The following OR5H2 variants were observed in gnomAD, a reference collection of about 807,000 sequenced individuals.
OR5H2 encodes olfactory receptor family 5 subfamily H member 2.
For synonymous variants in OR5H2, 132 were observed against 126.8 expected, an observed-to-expected ratio of 1.04 and a Z score of -0.27; for missense variants, 391 against 364.4, an observed-to-expected ratio of 1.07 and a Z score of -0.59.
Position 98,283,179 on chromosome 3 carries a change from T to A in OR5H2, c.277T>A (p.Ser93Thr), listed in dbSNP as rs747425931. 1.2e-5 allele frequency: 19 copies of A among 1,613,930 alleles called. No homozygotes were observed. In the Admixed American group the frequency reaches 2.8e-4, roughly 24 times the overall value. Residue 93 changes from serine to threonine, a missense_variant, in exon 1 of 1, where the codon TCT becomes ACT. Physicochemically the swap from Ser to Thr is moderately conservative, Grantham distance 58 (BLOSUM62 1). Coordinates refer to ENST00000355273, the MANE Select transcript of OR5H2 (RefSeq NM_001005482.2). Reference protein sequence around the residue: ...VNFLAKNRMISLSECMIQFFS... With the variant: ...VNFLAKNRMITLSECMIQFFS... ...TTTCTTGGCCAAAAACAGGATGATA[T>A]CTCTGTCTGAATGCATGATTCAATT...
Position 98,282,783 on chromosome 3 carries a change from G to C in OR5H2, c.-120G>C. 1.6e-5 allele frequency: 13 copies of C among 797,620 alleles called. No individual in the cohort carries two copies. The South Asian group carries it at 2.0e-4, about 12-fold the overall frequency. The allele number at this position is 797,620 out of a possible 1,614,324, so 49.4% of individuals were successfully genotyped here. On this transcript the variant is annotated 5_prime_UTR_variant, in exon 1 of 1. Coordinates refer to ENST00000355273, the MANE Select transcript of OR5H2 (RefSeq NM_001005482.2). The stretch of plus-strand genomic sequence containing the variant: ...CAGGAATATGAAAGAAAATTAAAAG[G>C]GTATTGTAATAAGAGTATGTTTTTC...
chr3:98,282,909 C>G lies in OR5H2; in HGVS notation c.7C>G (p.Gln3Glu), dbSNP rs1311375756. The change falls in exon 1 of 1, where the codon CAG becomes GAG. Residue 3 changes from glutamine to glutamate, a missense_variant. By Grantham distance (29) the Gln-to-Glu change is conservative. Coordinates refer to ENST00000355273, the MANE Select transcript of OR5H2 (RefSeq NM_001005482.2). ...AGGGATGTCGAATGAGGACATGGAA[C>G]AGGATAATACAACATTGCTGACAGA... ME[Q>E]DNTTLLTEFV... 13 of 1,613,604 alleles carry G rather than the reference C, an allele frequency of 8.1e-6. No homozygotes were observed. The highest frequency in any genetic ancestry group is 1.1e-5 in the Non-Finnish European group (13 of 1,179,730).
Position 98,282,823 on chromosome 3 carries a change from C to T in OR5H2, c.-80C>T, listed in dbSNP as rs145812570. 5.5e-5 allele frequency: 69 copies of T among 1,245,354 alleles called. 1 individual carries two copies. In the East Asian group the frequency reaches 1.4e-3, roughly 25 times the overall value. 77.1% of individuals were successfully genotyped at this position (1,245,354 alleles called of 1,614,324 possible). ...GTATGTTTTTCTATCAACTTCCCTC[C>T]CCCAGTATTTGCTGTATAAGTCTTA... On this transcript the variant is annotated 5_prime_UTR_variant, in exon 1 of 1. Transcript: ENST00000355273.
Position 98,283,642 on chromosome 3 carries a change from C to T in OR5H2, c.740C>T (p.Ser247Phe). ...TCCACCTGTGGAGCCCATCTCTTAT[C>T]TGTCTCTTTATATTATGGCCCACTT... Reference protein sequence around the residue: ...AFSTCGAHLLSVSLYYGPLIF... With the variant: ...AFSTCGAHLLFVSLYYGPLIF... Residue 247 changes from serine (S) to phenylalanine (F), a missense_variant, in exon 1 of 1, where the codon TCT (serine) becomes TTT (phenylalanine). Transcript: ENST00000355273. 1 of 1,613,528 alleles carries T rather than the reference C, an allele frequency of 6.2e-7. No homozygotes were observed. Among genetic ancestry groups the T allele is most frequent in the Admixed American group, 1.7e-5 (1 of 59,864 alleles).
Position 98,283,143 on chromosome 3 carries a change from A to T in OR5H2, c.241A>T (p.Met81Leu). Residue 81 changes from methionine to leucine, a missense_variant, in exon 1 of 1, where the codon ATG (methionine) becomes TTG (leucine). Met to Leu is a conservative substitution (Grantham distance 15, BLOSUM62 2). Coordinates refer to ENST00000355273, the MANE Select transcript of OR5H2 (RefSeq NM_001005482.2). ...AWISSTVTPKMLVNFLAKNRM... is the reference protein window; with the variant it reads ...AWISSTVTPKLLVNFLAKNRM... ...GATATCTTCCACAGTAACTCCCAAAATGTTGGTTAATTTCTTGGCCAAAAA... is the reference window on the plus strand; with the variant it reads ...GATATCTTCCACAGTAACTCCCAAATTGTTGGTTAATTTCTTGGCCAAAAA... The T allele has an allele frequency of 6.2e-7, 1 of 1,614,022 alleles. No homozygotes were observed. Among genetic ancestry groups the T allele is most frequent in the Non-Finnish European group, 8.5e-7 (1 of 1,179,960 alleles).
Position 98,284,056 on chromosome 3 carries a change from C to T in OR5H2, c.*224C>T, listed in dbSNP as rs1022684712. Among the ~76,000 whole-genome samples, 8 of 152,004 alleles carry T rather than the reference C, an allele frequency of 5.3e-5. No individual in the cohort carries two copies. Among genetic ancestry groups the T allele is most frequent in the Non-Finnish European group, 7.4e-5 (5 of 67,974 alleles). On this transcript the variant is annotated 3_prime_UTR_variant, in exon 1 of 1. Coordinates refer to ENST00000355273, the MANE Select transcript of OR5H2 (RefSeq NM_001005482.2). ...TATATTAGATAATTAAAGCAGAAAA[C>T]AAATGAAAACATTTATAGGTTAAAT...
Position 98,282,846 on chromosome 3 carries a change from T to C in OR5H2, c.-57T>C, listed in dbSNP as rs776178769. On this transcript the variant is annotated 5_prime_UTR_variant, in exon 1 of 1. Transcript: ENST00000355273. ...TCCCCCAGTATTTGCTGTATAAGTCTTAGTGAATGCTCTTTTACATTTACT... is the reference window on the plus strand; with the variant it reads ...TCCCCCAGTATTTGCTGTATAAGTCCTAGTGAATGCTCTTTTACATTTACT... The C allele has an allele frequency of 6.7e-6, 10 of 1,493,208 alleles. No homozygotes were observed. The highest frequency in any genetic ancestry group is 1.8e-4 in the Middle Eastern group (1 of 5,668). 92.5% of individuals were successfully genotyped at this position (1,493,208 alleles called of 1,614,324 possible).
rs1284437483 is a variant in OR5H2 at position 98,283,905 on chromosome 3, A to G, written c.*73A>G. ...AGATAAGGTGTTTTGCTAAGTGTTCAAAGTTATTGTAAATATAATTGTTTT... is the reference window on the plus strand; with the variant it reads ...AGATAAGGTGTTTTGCTAAGTGTTCGAAGTTATTGTAAATATAATTGTTTT... On this transcript the variant is annotated 3_prime_UTR_variant, in exon 1 of 1. Transcript: ENST00000355273. 1 of 773,294 alleles carries G rather than the reference A, an allele frequency of 1.3e-6. No individual in the cohort carries two copies. 47.9% of individuals were successfully genotyped at this position (773,294 alleles called of 1,614,324 possible).
Position 98,283,378 on chromosome 3 carries a change from A to T in OR5H2, c.476A>T (p.His159Leu), listed in dbSNP as rs977017249. ...GGTGGCTTCCTCCATGCCTTAATTC[A>T]TGAAGTCCTTATATTCAGATTAACC... ...FLGGFLHALI[H>L]EVLIFRLTFC... is the part of the protein sequence containing the mutation. Residue 159 changes from histidine (H) to leucine (L), a missense_variant, in exon 1 of 1, where the codon CAT (histidine) becomes CTT (leucine). Coordinates refer to ENST00000355273, the MANE Select transcript of OR5H2 (RefSeq NM_001005482.2). 34 of 1,611,842 alleles carry T rather than the reference A, an allele frequency of 2.1e-5. No individual in the cohort carries two copies. The highest frequency in any genetic ancestry group is 2.8e-5 in the Non-Finnish European group (33 of 1,179,526).
At position 98,282,791 on chromosome 3, in the gene OR5H2, A is replaced by G; in HGVS notation, c.-112A>G. The G allele has an allele frequency of 1.1e-6, 1 of 880,986 alleles. No individual in the cohort carries two copies. The allele number at this position is 880,986 out of a possible 1,614,324, so 54.6% of individuals were successfully genotyped here. ...TGAAAGAAAATTAAAAGGGTATTGTAATAAGAGTATGTTTTTCTATCAACT... is the reference window on the plus strand; with the variant it reads ...TGAAAGAAAATTAAAAGGGTATTGTGATAAGAGTATGTTTTTCTATCAACT... On this transcript the variant is annotated 5_prime_UTR_variant, in exon 1 of 1. Transcript: ENST00000355273.
chr3:98,282,917 T>C lies in OR5H2; in HGVS notation c.15T>C (p.Asn5=). 1 of 1,613,912 alleles carries C rather than the reference T, an allele frequency of 6.2e-7. No individual in the cohort carries two copies. Among genetic ancestry groups the C allele is most frequent in the African/African-American group, 1.3e-5 (1 of 75,052 alleles). The part of the protein sequence containing the change: MEQD[N]TTLLTEFVLT... ...CGAATGAGGACATGGAACAGGATAA[T>C]ACAACATTGCTGACAGAGTTTGTTC... The change falls in exon 1 of 1, where the codon AAT becomes AAC. Residue 5 remains asparagine, a synonymous_variant. Transcript: ENST00000355273.
rs1706170467 is a variant in OR5H2 at position 98,283,948 on chromosome 3, G to A, written c.*116G>A. 3.4e-6 allele frequency: 2 copies of A among 590,758 alleles called. No individual in the cohort carries two copies. Among genetic ancestry groups the A allele is most frequent in the East Asian group, 6.2e-5 (2 of 32,516 alleles). 36.6% of individuals were successfully genotyped at this position (590,758 alleles called of 1,614,324 possible). On this transcript the variant is annotated 3_prime_UTR_variant, in exon 1 of 1. Coordinates refer to ENST00000355273, the MANE Select transcript of OR5H2 (RefSeq NM_001005482.2). Reference sequence around the variant, plus strand: ...ATTGTTTTAGCATTTTAATGACTTAGGGTTTTATACCTAATAAACTCCTTA... The same window carrying A: ...ATTGTTTTAGCATTTTAATGACTTAAGGTTTTATACCTAATAAACTCCTTA...
chr3:98,283,962 A>T lies in OR5H2; in HGVS notation c.*130A>T, dbSNP rs1706170687. ...TTAATGACTTAGGGTTTTATACCTAATAAACTCCTTAAAATATTTATATAT... is the reference window on the plus strand; with the variant it reads ...TTAATGACTTAGGGTTTTATACCTATTAAACTCCTTAAAATATTTATATAT... On this transcript the variant is annotated 3_prime_UTR_variant, in exon 1 of 1. Coordinates refer to ENST00000355273, the MANE Select transcript of OR5H2 (RefSeq NM_001005482.2). 2 of 523,488 alleles carry T rather than the reference A, an allele frequency of 3.8e-6. No individual in the cohort carries two copies. Among genetic ancestry groups the T allele is most frequent in the Non-Finnish European group, 6.5e-6 (2 of 306,948 alleles). The allele number at this position is 523,488 out of a possible 1,614,324, so 32.4% of individuals were successfully genotyped here. A position where few individuals can be genotyped will look rare whatever the true frequency, so the allele number is the denominator to read the frequency against.
In OR5H2 at chr3:98,283,295, A is replaced by G; in HGVS notation, c.393A>G (p.Leu131=). 1.2e-6 allele frequency: 2 copies of G among 1,613,752 alleles called. No homozygotes were observed. The highest frequency in any genetic ancestry group is 1.7e-6 in the Non-Finnish European group (2 of 1,179,914). ...ATGTAGCCATATGCAAACCTTTACT[A>G]TATCCAGTGATTATGAACAATTCAC... is the stretch of plus-strand genomic sequence containing the variant. ...DRYVAICKPL[L]YPVIMNNSLC... The change falls in exon 1 of 1, where the codon CTA becomes CTG. Residue 131 remains leucine, a synonymous_variant. Transcript: ENST00000355273.
At position 98,283,706 on chromosome 3, in the gene OR5H2, T is replaced by A. The variant is rs1706165084; in HGVS notation, c.804T>A (p.Asp268Glu). 1 of 1,612,756 alleles carries A rather than the reference T, an allele frequency of 6.2e-7. No individual in the cohort carries two copies. The highest frequency in any genetic ancestry group is 8.5e-7 in the Non-Finnish European group (1 of 1,179,372). The change falls in exon 1 of 1, where the codon GAT (aspartate) becomes GAA (glutamate). Residue 268 changes from aspartate to glutamate, a missense_variant. By Grantham distance (45) the Asp-to-Glu change is conservative. Transcript: ENST00000355273. ...TGCGCCCTGCATCTCCACAAGCAGA[T>A]GACCAAGATATGATAGACTCTGTCT... Reference protein sequence around the residue: ...MYLRPASPQADDQDMIDSVFY... With the variant: ...MYLRPASPQAEDQDMIDSVFY...
At position 98,283,394 on chromosome 3, in the gene OR5H2, CA is replaced by C; in HGVS notation, c.493del (p.Arg165AspfsTer2). On this transcript the variant is annotated frameshift_variant, in exon 1 of 1. Coordinates refer to ENST00000355273, the MANE Select transcript of OR5H2 (RefSeq NM_001005482.2). LOFTEE classifies it low-confidence loss of function (END_TRUNC). Reference protein sequence around the residue: ...HALIHEVLIFRLTFCNSNIIH... With the variant: ...HALIHEVLIFXLTFCNSNIIH... Reference sequence around the variant, plus strand: ...CCTTAATTCATGAAGTCCTTATATTCAGATTAACCTTCTGCAATTCTAACAT... The same window carrying C: ...CCTTAATTCATGAAGTCCTTATATTCGATTAACCTTCTGCAATTCTAACAT... The C allele has an allele frequency of 6.2e-7, 1 of 1,610,030 alleles. No homozygotes were observed. The highest frequency in any genetic ancestry group is 8.5e-7 in the Non-Finnish European group (1 of 1,179,106).
At position 98,283,564 on chromosome 3, in the gene OR5H2, C is replaced by A. The variant is rs1403119792; in HGVS notation, c.662C>A (p.Ala221Asp). The A allele has an allele frequency of 1.2e-6, 2 of 1,613,304 alleles. No individual in the cohort carries two copies. The highest frequency in any genetic ancestry group is 4.5e-5 in the East Asian group (2 of 44,854). Reference sequence around the variant, plus strand: ...ACAGTTCTTAATTCTTACACATTTGCTCTTTTCACAATCCTAAAAAAGAAG... The same window carrying A: ...ACAGTTCTTAATTCTTACACATTTGATCTTTTCACAATCCTAAAAAAGAAG... ...IVTVLNSYTF[A>D]LFTILKKKSV... The change falls in exon 1 of 1, where the codon GCT becomes GAT. Residue 221 changes from alanine (A) to aspartate (D), a missense_variant. Transcript: ENST00000355273.
Position 98,283,544 on chromosome 3 carries a change from T to C in OR5H2, c.642T>C (p.Val214=). The change falls in exon 1 of 1, where the codon GTT becomes GTC. Residue 214 remains valine (V), a synonymous_variant. Coordinates refer to ENST00000355273, the MANE Select transcript of OR5H2 (RefSeq NM_001005482.2). ...TTCAGGTATTCACCATTGTGACAGTTCTTAATTCTTACACATTTGCTCTTT... is the reference window on the plus strand; with the variant it reads ...TTCAGGTATTCACCATTGTGACAGTCCTTAATTCTTACACATTTGCTCTTT... ...GSIQVFTIVT[V]LNSYTFALFT... is the part of the protein sequence containing the mutation. 1 of 1,613,164 alleles carries C rather than the reference T, an allele frequency of 6.2e-7. No individual in the cohort carries two copies. Among genetic ancestry groups the C allele is most frequent in the Non-Finnish European group, 8.5e-7 (1 of 1,179,792 alleles).
chr3:98,283,017 A>G lies in OR5H2; in HGVS notation c.115A>G (p.Ile39Val), dbSNP rs774789412. 8 of 1,613,986 alleles carry G rather than the reference A, an allele frequency of 5.0e-6. No individual in the cohort carries two copies. Among genetic ancestry groups the G allele is most frequent in the Admixed American group, 3.3e-5 (2 of 60,016 alleles). The change falls in exon 1 of 1, where the codon ATT becomes GTT. Residue 39 changes from isoleucine (I) to valine (V), a missense_variant. By Grantham distance (29) the Ile-to-Val change is conservative. Transcript: ENST00000355273. ...GTTCTTGGTGATCTATCTCATCACT[A>G]TTGTGTGGAACCTTGGTCTGATTGC... ...LVFLVIYLITIVWNLGLIALI... is the reference protein window; with the variant it reads ...LVFLVIYLITVVWNLGLIALI...
Sources: gnomAD v4.1 joint callset for allele counts (sites outside exome capture counted in the v4.1 genomes callset) on GRCh38, gnomAD v4.1.1 for gene constraint, MANE v1.5 for transcripts, NCBI Gene and HGNC (gene_info 2026-07-23, HGNC 2026-07-21) for gene names.